The following RBM20 variants were observed in gnomAD, a reference collection of about 807,000 sequenced individuals.
The protein encoded by RBM20 is RNA-binding protein 20.
RBM20 carries 51 observed loss-of-function variants against 110.1 expected under a neutral mutation model. The ratio of observed to expected loss-of-function variants is 0.46; its 90% CI spans 0.37 to 0.59. RBM20 has a LOEUF of 0.59. Among genes scored for constraint, RBM20 ranks in the 20% least tolerant of loss-of-function variants. The pLI, the probability that RBM20 is intolerant of heterozygous loss-of-function variation, is 0.00. For missense variants in RBM20, 1,512 were observed against 1,574.9 expected, an observed-to-expected ratio of 0.96 and a Z score of 0.68; for synonymous variants, 589 against 618.2, an observed-to-expected ratio of 0.95 and a Z score of 0.70.
chr10:110,708,478 A>G (rs1862874721), intron 1 of RBM20, among the ~76,000 whole-genome samples: 1 of 152,154 alleles, frequency 6.6e-6, no homozygotes, highest in Non-Finnish European at 1.5e-5. Flanking sequence ...AAACATTTTT[A>G]TCTTGTTTCA....
At chr10:110,790,135 T>C (rs1158022048) in intron 5 of RBM20, among the ~76,000 whole-genome samples, 1 of 152,190 alleles carries the variant, frequency 6.6e-6, no homozygotes. Flanking sequence ...AAAATAGAAA[T>C]GTCTGTGGAA....
At chr10:110,645,694 T>A (rs1861858163) in intron 1 of RBM20, among the ~76,000 whole-genome samples, 1 of 152,252 alleles carries the variant, frequency 6.6e-6, no homozygotes, top group Non-Finnish European at 1.5e-5. Context: ...TTTATTGTTT[T>A]GAAGACTGAT....
chr10:110,722,590 A>G (rs1803554284), intron 1 of RBM20, among the ~76,000 whole-genome samples: 1 of 152,224 alleles, frequency 6.6e-6, no homozygotes, highest in South Asian at 2.1e-4. Context: ...AGATGAATGC[A>G]TGCTCCTTTA....
At position 110,813,461 on chromosome 10, in the gene RBM20, G is replaced by A. The variant is rs560162424; in HGVS notation, c.2550+514G>A. Among the ~76,000 whole-genome samples, 3 of 152,326 alleles carry A rather than the reference G, an allele frequency of 2.0e-5. No individual in the cohort carries two copies. The South Asian group carries it at 6.2e-4, about 32-fold the overall frequency. ...AGTCCTGGAACTCTGAGGAGAAGTG[G>A]TGAAGGAGAAGCCGTCACCACCTGC... On this transcript the variant is annotated intron_variant, in intron 9 of 13. Transcript: ENST00000369519.
At chr10:110,802,813 A>G (rs1417846135) in intron 7 of RBM20, among the ~76,000 whole-genome samples, 1 of 152,192 alleles carries the variant, frequency 6.6e-6, no homozygotes, top group Non-Finnish European at 1.5e-5. Context: ...AAGCAAATAA[A>G]CAAAGAACCA....
At chr10:110,825,493 C>A (rs1238994067) in intron 12 of RBM20, among the ~76,000 whole-genome samples, 2 of 152,194 alleles carry the variant, frequency 1.3e-5, no homozygotes, top group African/African-American at 2.4e-5. Flanking sequence ...TCCAGTCTCT[C>A]CCCAGTCTCC....
At chr10:110,810,731 G>T (rs1844754938) in intron 8 of RBM20, among the ~76,000 whole-genome samples, 2 of 152,016 alleles carry the variant, frequency 1.3e-5, no homozygotes, top group East Asian at 3.9e-4. Flanking sequence ...ATAGGAAAAG[G>T]TCTGTTAATA....
intron 1 of RBM20, among the ~76,000 whole-genome samples, chr10:110,746,410 A>G (rs1244718550): frequency 6.6e-6 from 1 of 152,216 alleles, no homozygotes; most frequent in Non-Finnish European, 1.5e-5. Context: ...ATTACGAAAC[A>G]TTCTTTATTA....
intron 1 of RBM20, among the ~76,000 whole-genome samples, chr10:110,706,970 C>A (rs1045053187): frequency 2.0e-5 from 3 of 152,064 alleles, no homozygotes; most frequent in African/African-American, 4.8e-5. Context: ...TCATGTTGAA[C>A]GTGGAAAAAC....
At position 110,767,057 on chromosome 10, in the gene RBM20, C is replaced by CG. The variant is rs1351399666; in HGVS notation, c.192-13740dup. Among the ~76,000 whole-genome samples, 52 of 132,492 alleles carry CG rather than the reference C, an allele frequency of 3.9e-4. 3 individuals are homozygous for CG. The highest frequency in any genetic ancestry group is 1.3e-3 in the African/African-American group (43 of 33,684). 86.9% of individuals were successfully genotyped at this position (132,492 alleles called of 152,430 possible). ...GCAGAGGCGCCCCTCACCTCCCGGACGGGGCGGCTGGCCGGGCGGGGGGTG... is the reference window on the plus strand; with the variant it reads ...GCAGAGGCGCCCCTCACCTCCCGGACGGGGGCGGCTGGCCGGGCGGGGGGTG... On this transcript the variant is annotated intron_variant, in intron 1 of 13. Transcript: ENST00000369519.
chr10:110,771,858 G>A (rs10787280), intron 1 of RBM20, among the ~76,000 whole-genome samples: 130,639 of 152,242 alleles, frequency 0.86, 56,521 homozygotes, highest in Non-Finnish European at 0.91. Flanking sequence ...AAATCCCTAT[G>A]TATTTCTTTG....
intron 5 of RBM20, among the ~76,000 whole-genome samples, chr10:110,797,085 G>A (rs987446228): frequency 6.6e-6 from 1 of 152,126 alleles, no homozygotes; most frequent in African/African-American, 2.4e-5. Context: ...AGCAACATAT[G>A]GATATGTGCA....
chr10:110,700,675 CT>C (rs1449058999), intron 1 of RBM20, among the ~76,000 whole-genome samples: 2 of 152,144 alleles, frequency 1.3e-5, no homozygotes, highest in East Asian at 3.9e-4. Context: ...GGATTACCTA[CT>C]TACATGCCAG....
intron 1 of RBM20, among the ~76,000 whole-genome samples, chr10:110,678,485 T>C (rs1219109542): frequency 6.6e-6 from 1 of 152,228 alleles, no homozygotes; most frequent in Non-Finnish European, 1.5e-5. Flanking sequence ...AGGACACCCA[T>C]GGAAAGCATC....
chr10:110,686,194 A>G (rs1386500589), intron 1 of RBM20, among the ~76,000 whole-genome samples: 2 of 152,172 alleles, frequency 1.3e-5, no homozygotes, highest in Non-Finnish European at 2.9e-5. Flanking sequence ...GACTCTTTAA[A>G]TATCCTATGA....
chr10:110,725,054 A>G (rs531975326), intron 1 of RBM20, among the ~76,000 whole-genome samples: 1 of 152,338 alleles, frequency 6.6e-6, no homozygotes, highest in Non-Finnish European at 1.5e-5. Context: ...AGCAAGTGAC[A>G]CCACTCCATG....
intron 7 of RBM20, among the ~76,000 whole-genome samples, chr10:110,801,061 C>A (rs772407726): frequency 6.6e-6 from 1 of 152,168 alleles, no homozygotes; most frequent in Non-Finnish European, 1.5e-5. Flanking sequence ...GGCATGCTTA[C>A]CTCAACTTTC....
chr10:110,741,211 C>G (rs1476728236), intron 1 of RBM20, among the ~76,000 whole-genome samples: 1 of 152,138 alleles, frequency 6.6e-6, no homozygotes, highest in African/African-American at 2.4e-5. Context: ...CCACTCCTTC[C>G]CAGTCAAGAA....
intron 5 of RBM20, among the ~76,000 whole-genome samples, chr10:110,786,570 A>G (rs2135054081): frequency 6.6e-6 from 1 of 152,308 alleles, no homozygotes; most frequent in South Asian, 2.1e-4. Flanking sequence ...GTGAAAGAGA[A>G]TTTTGTGGTT....
Sources: allele counts gnomAD v4.1 joint callset (sites outside exome capture counted in the v4.1 genomes callset), GRCh38; gene constraint gnomAD v4.1.1; transcripts MANE v1.5; gene names NCBI Gene and HGNC (gene_info 2026-07-23, HGNC 2026-07-21).